The following FSTL5 variants were observed in gnomAD, a reference collection of about 807,000 sequenced individuals.
The protein encoded by FSTL5 is follistatin like 5, also known as follistatin-related protein 5.
Under a neutral mutation model 89.1 loss-of-function variants are expected in FSTL5, and 62 were observed. The observed-to-expected ratio is 0.70, with a 90% CI of 0.57 to 0.86. FSTL5 has a LOEUF of 0.86. Ranked by LOEUF, FSTL5 falls within the 40% of genes least tolerant of loss-of-function variation. The pLI, the probability that FSTL5 is intolerant of heterozygous loss-of-function variation, is 0.00. For missense variants in FSTL5, 1,057 were observed against 1,001.6 expected (o/e 1.06, Z -0.75); for synonymous variants, 383 against 346.2 (o/e 1.11, Z -1.18).
At chr4:161,631,308 T>C (rs1010320776) in intron 7 of FSTL5, among the ~76,000 whole-genome samples, 1 of 152,184 alleles carries the variant, frequency 6.6e-6, no homozygotes, top group Admixed American at 6.5e-5. Context: ...AGTCCCCAGT[T>C]CATAATCTGT....
At chr4:161,985,359 C>G (rs996720717) in intron 3 of FSTL5, among the ~76,000 whole-genome samples, 2 of 152,090 alleles carry the variant, frequency 1.3e-5, no homozygotes, top group African/African-American at 4.8e-5. Context: ...TTATATGTCA[C>G]ATCACATAGT....
intron 4 of FSTL5, among the ~76,000 whole-genome samples, chr4:161,798,767 G>A (rs192885569): frequency 6.6e-6 from 1 of 151,702 alleles, no homozygotes; most frequent in Non-Finnish European, 1.5e-5. Context: ...CTCTCTTAAA[G>A]ATGAGACGAG....
rs913390178 is a variant in FSTL5, at chr4:162,159,901, A to G, written c.-17+3714T>C. 6.6e-5 allele frequency among the ~76,000 whole-genome samples: 10 copies of G among 152,056 alleles called. No homozygotes were observed. In the East Asian group the frequency reaches 1.5e-3, roughly 23 times the overall value. ...TAAATGTCATTTTAATGCCAAAAAA[A>G]CTGGTATGTGCACAAGCATTCTAGC... On this transcript the variant is annotated intron_variant, in intron 1 of 15. Transcript: ENST00000306100.
intron 3 of FSTL5, among the ~76,000 whole-genome samples, chr4:161,991,903 A>G (rs1736122846): frequency 6.6e-6 from 1 of 152,196 alleles, no homozygotes; most frequent in Non-Finnish European, 1.5e-5. Context: ...GCCTTTCAGA[A>G]CGGATATGAA....
intron 3 of FSTL5, among the ~76,000 whole-genome samples, chr4:161,961,340 A>G (rs1042326352): frequency 1.3e-5 from 2 of 151,928 alleles, no homozygotes; most frequent in African/African-American, 4.8e-5. Flanking sequence ...TCCAACGTCT[A>G]GTCTCTACTG....
Position 161,588,817 on chromosome 4 carries a change from C to G in FSTL5, c.895-1242G>C, listed in dbSNP as rs1733707255. On this transcript the variant is annotated intron_variant, in intron 7 of 15. Transcript: ENST00000306100. Reference sequence around the variant, plus strand: ...TATGCCAGCTATGAAAATCATCATTCTAGAAGACACTGGAAGGGAAAGAGC... The same window carrying G: ...TATGCCAGCTATGAAAATCATCATTGTAGAAGACACTGGAAGGGAAAGAGC... 2.0e-5 allele frequency among the ~76,000 whole-genome samples: 3 copies of G among 152,224 alleles called. No homozygotes were observed. In the South Asian group the frequency reaches 6.2e-4, roughly 32 times the overall value.
intron 1 of FSTL5, among the ~76,000 whole-genome samples, chr4:162,115,540 A>C (rs1052340548): frequency 1.3e-5 from 2 of 152,198 alleles, no homozygotes; most frequent in African/African-American, 2.4e-5. Flanking sequence ...AAAGCACGTG[A>C]CTAAAACAAA....
At chr4:162,002,405 T>C (rs1014690786) in intron 3 of FSTL5, among the ~76,000 whole-genome samples, 1 of 152,202 alleles carries the variant, frequency 6.6e-6, no homozygotes, top group African/African-American at 2.4e-5. Flanking sequence ...GCACTGGGGC[T>C]CCGTAGGATA....
At chr4:161,448,174 T>C (rs1450033394) in intron 15 of FSTL5, among the ~76,000 whole-genome samples, 2 of 152,190 alleles carry the variant, frequency 1.3e-5, no homozygotes, top group Non-Finnish European at 2.9e-5. Flanking sequence ...GGAATTAGCA[T>C]GTGAGGATGA....
chr4:161,764,153 T>C (rs1740906455), intron 5 of FSTL5, among the ~76,000 whole-genome samples: 1 of 152,228 alleles, frequency 6.6e-6, no homozygotes. Context: ...TTATCAGCAG[T>C]ACTCTAAAAA....
chr4:162,005,175 C>A (rs892738471), intron 3 of FSTL5, among the ~76,000 whole-genome samples: 19 of 152,056 alleles, frequency 1.2e-4, no homozygotes, highest in African/African-American at 4.6e-4. Context: ...GTTCTGTCTA[C>A]CTAAAAAATT....
chr4:161,998,510 T>C (rs1450751065), intron 3 of FSTL5, among the ~76,000 whole-genome samples: 2 of 152,156 alleles, frequency 1.3e-5, no homozygotes, highest in Admixed American at 1.3e-4. Context: ...GCATTTAAAA[T>C]CCTTCACCTT....
intron 5 of FSTL5, among the ~76,000 whole-genome samples, chr4:161,774,627 TAACAACAAA>T (rs1741335006): frequency 6.7e-6 from 1 of 149,286 alleles, no homozygotes; most frequent in Non-Finnish European, 1.5e-5. Flanking sequence ...AAAACTAAAA[TAACAACAAA>T]AACAACAAAA....
At chr4:162,160,557 A>T (rs1443520101) in intron 1 of FSTL5, among the ~76,000 whole-genome samples, 3 of 151,796 alleles carry the variant, frequency 2.0e-5, no homozygotes, top group Non-Finnish European at 4.4e-5. Context: ...AGTAGTAAAA[A>T]ATACGAGAGA....
intron 6 of FSTL5, among the ~76,000 whole-genome samples, chr4:161,751,035 T>A (rs1346764604): frequency 6.7e-6 from 1 of 149,622 alleles, no homozygotes; most frequent in East Asian, 1.9e-4. Context: ...GCTTTTAGGA[T>A]TATAAATCAT....
At chr4:161,545,671 C>A (rs1731979696) in intron 8 of FSTL5, among the ~76,000 whole-genome samples, 1 of 151,942 alleles carries the variant, frequency 6.6e-6, no homozygotes. Flanking sequence ...CATAGTAACT[C>A]TTTCTCTGTA....
At chr4:162,123,485 T>G (rs1273261534) in intron 1 of FSTL5, among the ~76,000 whole-genome samples, 1 of 152,038 alleles carries the variant, frequency 6.6e-6, no homozygotes, top group African/African-American at 2.4e-5. Context: ...CTATAAAGAT[T>G]CTCACAAAGT....
chr4:162,102,237 G>C (rs906248126), intron 2 of FSTL5, among the ~76,000 whole-genome samples: 1 of 151,846 alleles, frequency 6.6e-6, no homozygotes, highest in African/African-American at 2.4e-5. Flanking sequence ...TAACTCACCT[G>C]TGTCCTAATA....
At chr4:161,463,574 G>T (rs10517744) in intron 13 of FSTL5, among the ~76,000 whole-genome samples, 2,036 of 152,180 alleles carry the variant, frequency 0.013, 43 homozygotes, top group African/African-American at 0.046. Context: ...ATCAACTTTG[G>T]CAAGGGAATA....
Sources: allele counts gnomAD v4.1 joint callset (sites outside exome capture counted in the v4.1 genomes callset), GRCh38; gene constraint gnomAD v4.1.1; transcripts MANE v1.5; gene names NCBI Gene and HGNC (gene_info 2026-07-23, HGNC 2026-07-21).